The following GABRD variants were observed in gnomAD, a reference collection of about 807,000 sequenced individuals.
GABRD encodes the protein gamma-aminobutyric acid type A receptor subunit delta.
A neutral mutation model predicts 47.3 loss-of-function variants in GABRD; 25 were observed. The observed-to-expected ratio is 0.53, with a 90% confidence interval of 0.39 to 0.74. The LOEUF (loss-of-function observed/expected upper bound fraction) is 0.74, where lower values mean the gene tolerates loss of function less well. Ranked by LOEUF, GABRD falls within the 30% of genes least tolerant of loss-of-function variation. The pLI is 0.00. For synonymous variants in GABRD, 314 were observed against 278.8 expected (o/e 1.13, Z -1.26); for missense variants, 497 against 643.4 (o/e 0.77, Z 2.46).
At position 2,029,969 on chromosome 1, in the gene GABRD, C is replaced by G; in HGVS notation, c.1060-14C>G. 1 of 1,611,542 alleles carries G rather than the reference C, an allele frequency of 6.2e-7. No individual in the cohort carries two copies. The highest frequency in any genetic ancestry group is 8.5e-7 in the Non-Finnish European group (1 of 1,179,260). On this transcript the variant is annotated splice_polypyrimidine_tract_variant and intron_variant, in intron 8 of 8. Transcript: ENST00000378585. ...CAGTGCTCAGCCCTGTCTCCCCCAC[C>G]GGCCTTCGTGCAGATGGACGTGAGG...
rs1379512215 is a variant in GABRD, at chr1:2,025,039, C to T, written c.166C>T (p.Arg56Trp). ...GLIAGYARNF[R>W]PGIGGPPVNV... ...GATAGCCGGCTACGCCCGCAACTTC[C>T]GGCCTGGCATCGGAGGTGAGGGGCG... Residue 56 changes from arginine to tryptophan, a missense_variant, in exon 2 of 9, where the codon CGG (arginine) becomes TGG (tryptophan). Arg to Trp is a moderately radical substitution (Grantham distance 101). This residue lies in a region of GABRD where 91 missense variants were observed against 85.5 expected (regional missense o/e 1.06). Transcript: ENST00000378585. 13 of 1,612,344 alleles carry T rather than the reference C, an allele frequency of 8.1e-6. No individual in the cohort carries two copies. Among genetic ancestry groups the T allele is most frequent in the East Asian group, 2.2e-5 (1 of 44,896 alleles).
In GABRD at chr1:2,027,670, G is replaced by A. The variant is rs775053323; in HGVS notation, c.553+11G>A. 6.2e-7 allele frequency: 1 copy of A among 1,612,276 alleles called. No homozygotes were observed. The highest frequency in any genetic ancestry group is 1.1e-5 in the South Asian group (1 of 90,934). On this transcript the variant is annotated intron_variant, in intron 5 of 8. Coordinates refer to ENST00000378585, the MANE Select transcript of GABRD (RefSeq NM_000815.5). ...TGGACCTGGAGAGCTGTGAGTGGGT[G>A]TGCAAGGCGGGTAGGGGCTTCTCCA...
rs553793272 is a variant in GABRD at position 2,029,196 on chromosome 1, C to T, written c.777C>T (p.Val259=). Residue 259 remains valine (V), a synonymous_variant, in exon 7 of 9, where the codon GTC becomes GTT. Transcript: ENST00000378585. ...VYIIQSYMPS[V]LLVAMSWVSF... Reference sequence around the variant, plus strand: ...TCATCCAATCCTACATGCCCTCCGTCCTGCTGGTCGCCATGTCCTGGGTCT... The same window carrying T: ...TCATCCAATCCTACATGCCCTCCGTTCTGCTGGTCGCCATGTCCTGGGTCT... 1.2e-4 allele frequency: 191 copies of T among 1,567,370 alleles called. No homozygotes were observed. The South Asian group carries it at 2.1e-3, about 17-fold the overall frequency.
At chr1:2,020,842 A>G (rs887335523) in intron 1 of GABRD, among the ~76,000 whole-genome samples, 1 of 152,222 alleles carries the variant, frequency 6.6e-6, no homozygotes, top group Non-Finnish European at 1.5e-5. Context: ...CCCGTCCCGC[A>G]TGGACGTGAG....
rs1204039601 is a variant in GABRD, at chr1:2,030,468, GC to G, written c.*188del. 1.0e-5 allele frequency: 5 copies of G among 486,972 alleles called. No homozygotes were observed. The highest frequency in any genetic ancestry group is 4.0e-5 in the African/African-American group (2 of 49,832). 30.2% of individuals were successfully genotyped at this position (486,972 alleles called of 1,614,324 possible). A position where few individuals can be genotyped will look rare whatever the true frequency, so the allele number is the denominator to read the frequency against. ...CTCTGACCCCAGCCTCACCCGAAAGGCCAGCCTGGGGCTCTCCGGCAGGCAG... is the reference window on the plus strand; with the variant it reads ...CTCTGACCCCAGCCTCACCCGAAAGGCAGCCTGGGGCTCTCCGGCAGGCAG... On this transcript the variant is annotated 3_prime_UTR_variant, in exon 9 of 9. Transcript: ENST00000378585.
intron 5 of GABRD, 168 bp downstream of exon 5, chr1:2,027,827 G>A: frequency 1.5e-6 from 1 of 683,724 alleles, no homozygotes. Context: ...CAGAAAGCCT[G>A]GAGCAGTCTG....
At chr1:2,029,410 T>C in intron 7 of GABRD, 141 bp from the exon 8 acceptor site, 1 of 1,344,594 alleles carries the variant, frequency 7.4e-7, no homozygotes, top group East Asian at 2.5e-5. Context: ...CCAGGCCAGG[T>C]CAGGGAAACA....
chr1:2,020,093 C>T (rs1187728357), intron 1 of GABRD, among the ~76,000 whole-genome samples: 1 of 152,100 alleles, frequency 6.6e-6, no homozygotes, highest in Non-Finnish European at 1.5e-5. Context: ...TGCCCCTGGC[C>T]ACAGAAAAGA....
chr1:2,028,131 C>T lies in GABRD; in HGVS notation c.554-24C>T, dbSNP rs781029872. ...CCCGGGGCAGGGCCGGGCTCTGCCG[C>T]CCACCTGTGTGCTTTTCCTCCAGAC... is the stretch of plus-strand genomic sequence containing the variant. On this transcript the variant is annotated intron_variant, in intron 5 of 8. Coordinates refer to ENST00000378585, the MANE Select transcript of GABRD (RefSeq NM_000815.5). This position sits in a 1 kb window ranked among gnomAD's most constrained non-coding sequence, Gnocchi z 6.4. 11 of 1,598,148 alleles carry T rather than the reference C, an allele frequency of 6.9e-6. No homozygotes were observed. Among genetic ancestry groups the T allele is most frequent in the Non-Finnish European group, 9.4e-6 (11 of 1,169,344 alleles).
intron 1 of GABRD, among the ~76,000 whole-genome samples, chr1:2,020,543 C>T (rs766741524): frequency 6.6e-6 from 1 of 152,224 alleles, no homozygotes; most frequent in Admixed American, 6.5e-5. Flanking sequence ...GTGTGCCCAT[C>T]AGGAGACCGC....
Position 2,028,920 on chromosome 1 carries a change from T to C in GABRD, c.692-191T>C. 1 of 656,678 alleles carries C rather than the reference T, an allele frequency of 1.5e-6. No homozygotes were observed. Among genetic ancestry groups the C allele is most frequent in the Admixed American group, 2.9e-5 (1 of 34,150 alleles). The allele number at this position is 656,678 out of a possible 1,614,324, so 40.7% of individuals were successfully genotyped here. A position where few individuals can be genotyped will look rare whatever the true frequency, so the allele number is the denominator to read the frequency against. On this transcript the variant is annotated intron_variant, in intron 6 of 8. Coordinates refer to ENST00000378585, the MANE Select transcript of GABRD (RefSeq NM_000815.5). This position sits in a 1 kb window ranked among gnomAD's most constrained non-coding sequence, Gnocchi z 6.4. ...GGTGACACTGCTCAGGACCAGCCTG[T>C]CCTGTGGCCAGACCTAGGGCCGGAG...
chr1:2,019,414 C>T lies in GABRD; in HGVS notation c.-10C>T. The T allele has an allele frequency of 9.3e-7, 1 of 1,076,814 alleles. No individual in the cohort carries two copies. Among genetic ancestry groups the T allele is most frequent in the Non-Finnish European group, 1.1e-6 (1 of 890,736 alleles). The allele number at this position is 1,076,814 out of a possible 1,614,324, so 66.7% of individuals were successfully genotyped here. On this transcript the variant is annotated 5_prime_UTR_variant, in exon 1 of 9. Coordinates refer to ENST00000378585, the MANE Select transcript of GABRD (RefSeq NM_000815.5). ...GTTTGCGCGGACCCCGTCCCGAGCCCGCCGCGGCCATGGACGCGCCCGCCC... is the reference window on the plus strand; with the variant it reads ...GTTTGCGCGGACCCCGTCCCGAGCCTGCCGCGGCCATGGACGCGCCCGCCC...
rs113473839 is a variant in GABRD, at chr1:2,024,978, C to T, written c.105C>T (p.Asn35=). ...MNDIGDYVGS[N]LEISWLPNLD... is the part of the protein sequence containing the mutation. The stretch of plus-strand genomic sequence containing the variant: ...ACATCGGCGACTACGTGGGCTCCAA[C>T]CTGGAGATCTCCTGGCTCCCCAACC... The change falls in exon 2 of 9, where the codon AAC becomes AAT. Residue 35 remains asparagine (N), a synonymous_variant. Coordinates refer to ENST00000378585, the MANE Select transcript of GABRD (RefSeq NM_000815.5). The T allele has an allele frequency of 6.8e-6, 11 of 1,612,954 alleles. No individual in the cohort carries two copies. The African/African-American group carries it at 8.0e-5, about 12-fold the overall frequency.
At chr1:2,029,036 C>A in intron 6 of GABRD, 75 bp from the exon 7 acceptor site, 1 of 1,518,012 alleles carries the variant, frequency 6.6e-7, no homozygotes, top group Non-Finnish European at 8.8e-7. Flanking sequence ...AGCTGCCAAG[C>A]CCTGCAGCCC....
At chr1:2,025,187 G>A in intron 2 of GABRD, 133 bp downstream of exon 2, 2 of 1,273,570 alleles carry the variant, frequency 1.6e-6, no homozygotes, top group Admixed American at 3.7e-5. Context: ...CTCCATCAGA[G>A]CCAGGCCCCC....
At position 2,028,195 on chromosome 1, in the gene GABRD, G is replaced by A. The variant is rs1658981709; in HGVS notation, c.594G>A (p.Glu198=). The change falls in exon 6 of 9, where the codon GAG becomes GAA. Residue 198 remains glutamate, a synonymous_variant. Coordinates refer to ENST00000378585, the MANE Select transcript of GABRD (RefSeq NM_000815.5). This position sits in a 1 kb window ranked among gnomAD's most constrained non-coding sequence, Gnocchi z 6.4. ...AGGACATCGTCTACTACTGGTCGGA[G>A]AGCCAGGAGCACATCCACGGGCTGG... ...SSEDIVYYWS[E]SQEHIHGLDK... 3 of 1,612,536 alleles carry A rather than the reference G, an allele frequency of 1.9e-6. No homozygotes were observed. Among genetic ancestry groups the A allele is most frequent in the Non-Finnish European group, 2.5e-6 (3 of 1,179,800 alleles).
intron 2 of GABRD, 87 bp downstream of exon 2, chr1:2,025,141 C>CCT (rs1658885318): frequency 4.5e-6 from 6 of 1,330,448 alleles, no homozygotes; most frequent in Non-Finnish European, 1.1e-6. Flanking sequence ...TGTAGGCTGG[C>CCT]CTCTAGGCAA....
chr1:2,024,919 G>A, intron 1 of GABRD, 23 bp from the exon 2 acceptor site: 1 of 1,552,408 alleles, frequency 6.4e-7, no homozygotes, highest in Non-Finnish European at 8.9e-7. Context: ...TGGCCTGTCT[G>A]ACCGGTGGCT....
intron 2 of GABRD, 135 bp downstream of exon 2, chr1:2,025,189 C>T (rs1381974431): frequency 1.6e-6 from 2 of 1,264,834 alleles, no homozygotes; most frequent in East Asian, 4.7e-5. Context: ...CCATCAGAGC[C>T]AGGCCCCCAC....
Sources: gnomAD v4.1 joint callset for allele counts (sites outside exome capture counted in the v4.1 genomes callset) on GRCh38, gnomAD v4.1.1 for gene constraint, gnomAD v4.1.1 regional missense constraint, Gnocchi (gnomAD v3.1) non-coding constraint, MANE v1.5 for transcripts, NCBI Gene and HGNC (gene_info 2026-07-23, HGNC 2026-07-21) for gene names.